Variants in NDUFS4 observed in about 807,000 individuals in gnomAD.
The protein encoded by NDUFS4 is NADH:ubiquinone oxidoreductase subunit S4.
NDUFS4 carries 28 observed loss-of-function variants against 24.3 expected under a neutral mutation model. That is an observed-to-expected ratio of 1.15 (90% CI 0.85 to 1.58). The LOEUF (loss-of-function observed/expected upper bound fraction) is 1.58, where lower values mean the gene tolerates loss of function less well. NDUFS4 is among the 40% of genes most tolerant of loss of function. The probability of loss-of-function intolerance (pLI) is 0.00; values close to 1 mark genes in which losing one functional copy is unlikely to be tolerated. For synonymous variants in NDUFS4, 93 were observed against 69.7 expected (o/e 1.34, Z -1.67); for missense variants, 223 against 207.9 (o/e 1.07, Z -0.45).
chr5:53,642,007 A>T (rs451881), intron 2 of NDUFS4, among the ~76,000 whole-genome samples: 34,228 of 152,014 alleles, frequency 0.23, 4,694 homozygotes, highest in East Asian at 0.47. Context: ...CTAACATGCA[A>T]TTTAGTGAAC....
At chr5:53,564,241 T>C (rs529582454) in intron 1 of NDUFS4, among the ~76,000 whole-genome samples, 3 of 152,304 alleles carry the variant, frequency 2.0e-5, no homozygotes, top group Non-Finnish European at 4.4e-5. Flanking sequence ...TAGTAAGCAG[T>C]CCTTAAGGTT....
intron 2 of NDUFS4, among the ~76,000 whole-genome samples, chr5:53,612,405 A>G (rs1482918461): frequency 6.6e-6 from 1 of 152,100 alleles, no homozygotes; most frequent in Non-Finnish European, 1.5e-5. Context: ...TTTATTTAGC[A>G]ATCTGTAAAA....
At chr5:53,631,824 G>A (rs942140875) in intron 2 of NDUFS4, among the ~76,000 whole-genome samples, 4 of 152,146 alleles carry the variant, frequency 2.6e-5, no homozygotes, top group South Asian at 2.1e-4. Flanking sequence ...TCATGGGCAC[G>A]GGACCTGCCA....
intron 4 of NDUFS4, among the ~76,000 whole-genome samples, chr5:53,675,355 G>T (rs557918907): frequency 1.3e-5 from 2 of 151,624 alleles, no homozygotes; most frequent in South Asian, 4.2e-4. Context: ...GTAGAGACGG[G>T]GTTTCACCTT....
intron 2 of NDUFS4, among the ~76,000 whole-genome samples, chr5:53,616,419 G>A (rs923609): frequency 0.79 from 119,718 of 151,960 alleles, 47,368 homozygotes; most frequent in African/African-American, 0.85. Flanking sequence ...GGTTTGGGTG[G>A]AATAGGGGTC....
intron 1 of NDUFS4, among the ~76,000 whole-genome samples, chr5:53,561,140 C>G (rs929844395): frequency 6.6e-6 from 1 of 152,136 alleles, no homozygotes; most frequent in African/African-American, 2.4e-5. Flanking sequence ...TGTTTGCCCA[C>G]CACTCCAGTC....
At position 53,606,060 on chromosome 5, in the gene NDUFS4, TG is replaced by T. The variant is rs1239315140; in HGVS notation, c.177+2531del. 2.1e-5 allele frequency among the ~76,000 whole-genome samples: 3 copies of T among 145,790 alleles called. No individual in the cohort carries two copies. In the East Asian group the frequency reaches 6.1e-4, roughly 30 times the overall value. ...TTAGCCGGGCATGGTGGTGGGCGCCTGTAGTCCCAGCTACTCAGGAGGCTGA... is the reference window on the plus strand; with the variant it reads ...TTAGCCGGGCATGGTGGTGGGCGCCTTAGTCCCAGCTACTCAGGAGGCTGA... On this transcript the variant is annotated intron_variant, in intron 2 of 4. Transcript: ENST00000296684.
At chr5:53,572,992 C>G (rs1382150875) in intron 1 of NDUFS4, among the ~76,000 whole-genome samples, 1 of 136,048 alleles carries the variant, frequency 7.4e-6, no homozygotes, top group Non-Finnish European at 1.5e-5. Flanking sequence ...TTTTAAGAGA[C>G]CAGGTCTTGC....
At chr5:53,657,348 G>A (rs1466249618) in intron 3 of NDUFS4, among the ~76,000 whole-genome samples, 1 of 152,156 alleles carries the variant, frequency 6.6e-6, no homozygotes, top group Non-Finnish European at 1.5e-5. Context: ...GGTGGGTTAT[G>A]ATAAGAATAT....
chr5:53,675,320 G>A (rs1427596963), intron 4 of NDUFS4, among the ~76,000 whole-genome samples: 10 of 151,772 alleles, frequency 6.6e-5, no homozygotes, highest in Non-Finnish European at 7.4e-5. Context: ...CCGCCACCAC[G>A]CCCAGCTAAT....
chr5:53,613,966 G>A (rs189077936), intron 2 of NDUFS4, among the ~76,000 whole-genome samples: 24 of 151,960 alleles, frequency 1.6e-4, no homozygotes, highest in African/African-American at 5.8e-4. Context: ...TGCTTTACAT[G>A]TTTGGAAGAT....
chr5:53,666,196 T>C (rs1343289097), intron 4 of NDUFS4, among the ~76,000 whole-genome samples: 2 of 152,230 alleles, frequency 1.3e-5, no homozygotes, highest in African/African-American at 4.8e-5. Context: ...CAGCCTATTA[T>C]ATTTCATGTC....
intron 4 of NDUFS4, among the ~76,000 whole-genome samples, chr5:53,672,913 A>G (rs1489076119): frequency 2.0e-5 from 3 of 152,158 alleles, no homozygotes; most frequent in Non-Finnish European, 4.4e-5. Context: ...TAAAACTCAG[A>G]TAAGTGACAT....
intron 4 of NDUFS4, among the ~76,000 whole-genome samples, chr5:53,681,132 A>ATACTT (rs1262610866): frequency 6.6e-6 from 1 of 152,158 alleles, no homozygotes. Flanking sequence ...GGACCAAATA[A>ATACTT]TACTTAACAT....
At chr5:53,679,909 A>G (rs1277517086) in intron 4 of NDUFS4, among the ~76,000 whole-genome samples, 1 of 152,184 alleles carries the variant, frequency 6.6e-6, no homozygotes, top group Non-Finnish European at 1.5e-5. Flanking sequence ...AATCTACACT[A>G]GAAACCATTT....
At chr5:53,670,621 T>TTA (rs140428140) in intron 4 of NDUFS4, among the ~76,000 whole-genome samples, 14,150 of 148,114 alleles carry the variant, frequency 0.096, 926 homozygotes, top group Admixed American at 0.2. Context: ...AGGGTATACA[T>TTA]TATATATATA....
chr5:53,563,246 A>C (rs1054838895), intron 1 of NDUFS4, among the ~76,000 whole-genome samples: 1 of 147,960 alleles, frequency 6.8e-6, no homozygotes, highest in Non-Finnish European at 1.5e-5. Flanking sequence ...CAAAAAAAAA[A>C]AAAAAAAAGA....
At chr5:53,563,056 C>T (rs1340615133) in intron 1 of NDUFS4, among the ~76,000 whole-genome samples, 7 of 151,856 alleles carry the variant, frequency 4.6e-5, no homozygotes, top group African/African-American at 1.5e-4. Context: ...GGTGAAACCC[C>T]GTCTCTACTA....
chr5:53,628,016 G>A (rs1036900194), intron 2 of NDUFS4, among the ~76,000 whole-genome samples: 8 of 152,132 alleles, frequency 5.3e-5, no homozygotes, highest in African/African-American at 1.7e-4. Context: ...TTGGCTGTAG[G>A]TTTGTCATAA....
Sources: allele counts gnomAD v4.1 joint callset (sites outside exome capture counted in the v4.1 genomes callset), GRCh38; gene constraint gnomAD v4.1.1; transcripts MANE v1.5; gene names NCBI Gene and HGNC (gene_info 2026-07-23, HGNC 2026-07-21).